Variants in TMBIM6 observed in about 807,000 individuals in gnomAD.
TMBIM6 encodes transmembrane BAX inhibitor motif containing 6, also known as bax inhibitor 1.
A neutral mutation model predicts 31.4 loss-of-function variants in TMBIM6; 13 were observed. The ratio of observed to expected loss-of-function variants is 0.41; its 90% CI spans 0.27 to 0.66. The LOEUF (loss-of-function observed/expected upper bound fraction) is 0.66. Among genes scored for constraint, TMBIM6 ranks in the 30% least tolerant of loss-of-function variants. The pLI is 0.28. For missense variants in TMBIM6, 275 were observed against 289.5 expected (o/e 0.95, Z 0.36); for synonymous variants, 85 against 101.7 (o/e 0.84, Z 0.99).
chr12:49,747,373 A>C (rs1468621671), intron 1 of TMBIM6, among the ~76,000 whole-genome samples: 6 of 152,114 alleles, frequency 3.9e-5, no homozygotes, highest in Admixed American at 3.9e-4. Flanking sequence ...AAGCAACATG[A>C]TGATGGCTCA....
chr12:49,758,793 C>T (rs1028963262), intron 7 of TMBIM6, 31 bp downstream of exon 7: 2 of 1,524,092 alleles, frequency 1.3e-6, no homozygotes, highest in African/African-American at 1.4e-5. Flanking sequence ...TTCCAGCAGC[C>T]ATTTGCCTCA....
Position 49,752,462 on chromosome 12 carries a change from A to G in TMBIM6, c.-30-2A>G. The stretch of plus-strand genomic sequence containing the variant: ...TGACTCTAACCTTTCTTTATTCTGC[A>G]GAGTGGAGACTGCTGCACGGACTCT... On this transcript the variant is annotated splice_acceptor_variant, in intron 1 of 9. Coordinates refer to ENST00000267115, the MANE Select transcript of TMBIM6 (RefSeq NM_003217.3). LOFTEE classifies it low-confidence loss of function (5UTR_SPLICE). 1 of 1,608,348 alleles carries G rather than the reference A, an allele frequency of 6.2e-7. No individual in the cohort carries two copies. The highest frequency in any genetic ancestry group is 1.1e-5 in the South Asian group (1 of 90,314).
rs1339081709 is a variant in TMBIM6 at position 49,764,501 on chromosome 12, T to C, written c.*1605T>C. On this transcript the variant is annotated 3_prime_UTR_variant, in exon 10 of 10. Coordinates refer to ENST00000267115, the MANE Select transcript of TMBIM6 (RefSeq NM_003217.3). ...TCACTGAGGATGCTGTCCTCTGATT[T>C]AGCTGCTGCCTCCAGCCTCTGGCTT... is the stretch of plus-strand genomic sequence containing the variant. The C allele has an allele frequency of 6.6e-6, 1 of 152,626 alleles. No homozygotes were observed. The highest frequency in any genetic ancestry group is 1.5e-5 in the Non-Finnish European group (1 of 68,036). The allele number at this position is 152,626 out of a possible 1,614,324, so 9.5% of individuals were successfully genotyped here.
At chr12:49,754,621 A>G (rs1271042337) in intron 3 of TMBIM6, among the ~76,000 whole-genome samples, 1 of 152,228 alleles carries the variant, frequency 6.6e-6, no homozygotes, top group Non-Finnish European at 1.5e-5. Context: ...CTGTGATTTT[A>G]TAACATAAAC....
At chr12:49,753,120 T>A in intron 3 of TMBIM6, 39 bp downstream of exon 3, 1 of 1,574,864 alleles carries the variant, frequency 6.3e-7, no homozygotes, top group Admixed American at 1.7e-5. Context: ...GTGGTACAAA[T>A]TACATTAGGA....
chr12:49,746,979 G>A (rs977911250), intron 1 of TMBIM6, among the ~76,000 whole-genome samples: 5 of 152,004 alleles, frequency 3.3e-5, no homozygotes, highest in Non-Finnish European at 2.9e-5. Flanking sequence ...GGGATTACAG[G>A]CGCCCACCAC....
At chr12:49,742,504 A>T (rs1023076556) in intron 1 of TMBIM6, 14 of 467,888 alleles carry the variant, frequency 3.0e-5, no homozygotes, top group Non-Finnish European at 3.7e-6. Context: ...CCCCCACAAC[A>T]AAAATCACTA....
rs1945512439 is a variant in TMBIM6, at chr12:49,752,469, A to G, written c.-25A>G. ...AACCTTTCTTTATTCTGCAGAGTGG[A>G]GACTGCTGCACGGACTCTGGAACCA... On this transcript the variant is annotated 5_prime_UTR_variant, in exon 2 of 10. Transcript: ENST00000267115. 3.1e-6 allele frequency: 5 copies of G among 1,609,656 alleles called. No individual in the cohort carries two copies. In the East Asian group the frequency reaches 8.9e-5, roughly 29 times the overall value.
chr12:49,763,228 C>T lies in TMBIM6; in HGVS notation c.*332C>T. 8.0e-6 allele frequency: 2 copies of T among 250,392 alleles called. No homozygotes were observed. The highest frequency in any genetic ancestry group is 1.4e-4 in the East Asian group (2 of 14,226). The allele number at this position is 250,392 out of a possible 1,614,324, so 15.5% of individuals were successfully genotyped here. On this transcript the variant is annotated 3_prime_UTR_variant, in exon 10 of 10. Coordinates refer to ENST00000267115, the MANE Select transcript of TMBIM6 (RefSeq NM_003217.3). ...TTCAGGAGTCCGCTTTCCCACCAGG[C>T]TTCATTCACCCAGTGGACCTGAACT... is the stretch of plus-strand genomic sequence containing the variant.
chr12:49,762,819 A>G lies in TMBIM6; in HGVS notation c.691-54A>G, dbSNP rs562611148. 1.3e-5 allele frequency: 21 copies of G among 1,566,346 alleles called. No homozygotes were observed. In the South Asian group the frequency reaches 1.8e-4, roughly 13 times the overall value. ...AACTAAATGCTCACTCAAGAGTTTT[A>G]GCTTGAATGTCAAATGTCAAAAAAT... On this transcript the variant is annotated intron_variant, in intron 9 of 9. Transcript: ENST00000267115.
chr12:49,753,142 C>A, intron 3 of TMBIM6, 61 bp downstream of exon 3: 3 of 1,419,142 alleles, frequency 2.1e-6, no homozygotes, highest in Non-Finnish European at 2.9e-6. Flanking sequence ...AAAACCAGCT[C>A]AGCAAGGTGG....
At chr12:49,749,941 ATATTTGGTAGTTACATG>A (rs1221871395) in intron 1 of TMBIM6, 2 of 152,106 alleles carry the variant, frequency 1.3e-5, no homozygotes, top group African/African-American at 4.8e-5. Flanking sequence ...TGCGTCTATA[ATATTTGGTAGTTACATG>A]TTTTGTTTTA....
chr12:49,755,549 G>A (rs1190498252), intron 3 of TMBIM6, 86 bp from the exon 4 acceptor site: 14 of 1,504,584 alleles, frequency 9.3e-6, no homozygotes, highest in East Asian at 2.3e-5. Flanking sequence ...AAGTTCAGAC[G>A]AGTGTTTGAA....
At chr12:49,749,693 CA>C (rs1945461014) in intron 1 of TMBIM6, 1 of 152,214 alleles carries the variant, frequency 6.6e-6, no homozygotes, top group Non-Finnish European at 1.5e-5. Flanking sequence ...CTCGGCCTCC[CA>C]AAGTACTGGG....
At chr12:49,752,603 T>G (rs1015400385) in intron 2 of TMBIM6, 54 bp downstream of exon 2, 36 of 1,422,292 alleles carry the variant, frequency 2.5e-5, no homozygotes, top group Non-Finnish European at 3.2e-5. Flanking sequence ...CATATCTCTT[T>G]GTCCCTTTTC....
At chr12:49,762,288 T>C (rs767575335) in intron 9 of TMBIM6, among the ~76,000 whole-genome samples, 31 of 152,164 alleles carry the variant, frequency 2.0e-4, no homozygotes, top group Non-Finnish European at 4.1e-4. Context: ...GTTGACCAGA[T>C]AGGATTGCTG....
At chr12:49,760,156 C>T (rs571615660) in intron 8 of TMBIM6, among the ~76,000 whole-genome samples, 1 of 148,724 alleles carries the variant, frequency 6.7e-6, no homozygotes, top group South Asian at 2.1e-4. Context: ...TATATATTTA[C>T]ATATCCATAG....
At chr12:49,759,819 A>T (rs1049204707) in intron 8 of TMBIM6, among the ~76,000 whole-genome samples, 2 of 150,262 alleles carry the variant, frequency 1.3e-5, no homozygotes, top group Non-Finnish European at 3.0e-5. Flanking sequence ...AAAAAAAAAA[A>T]AAAAGTGTGG....
At chr12:49,754,970 T>C (rs1365267387) in intron 3 of TMBIM6, among the ~76,000 whole-genome samples, 1 of 152,322 alleles carries the variant, frequency 6.6e-6, no homozygotes, top group East Asian at 1.9e-4. Context: ...GTTTTTGTTT[T>C]TTTGAGACGG....
Sources: allele counts gnomAD v4.1 joint callset (sites outside exome capture counted in the v4.1 genomes callset), GRCh38; gene constraint gnomAD v4.1.1; transcripts MANE v1.5; gene names NCBI Gene and HGNC (gene_info 2026-07-23, HGNC 2026-07-21).